INSC: variants seen among roughly 807,000 people sequenced by gnomAD.
INSC encodes protein inscuteable homolog.
A neutral mutation model predicts 58.6 loss-of-function variants in INSC; 67 were observed. The ratio of observed to expected loss-of-function variants is 1.14; its 90% CI spans 0.94 to 1.40. The LOEUF is 1.40. Ranked by LOEUF, INSC falls within the 40% of genes most tolerant of loss-of-function variation. The pLI is 0.00. For missense variants in INSC, 714 were observed against 692.0 expected, an observed-to-expected ratio of 1.03 and a Z score of -0.36; for synonymous variants, 262 against 276.1, an observed-to-expected ratio of 0.95 and a Z score of 0.51.
At chr11:15,186,350 C>T (rs1849967710) in intron 5 of INSC, among the ~76,000 whole-genome samples, 1 of 151,726 alleles carries the variant, frequency 6.6e-6, no homozygotes, top group Admixed American at 6.6e-5. Context: ...TAACGATTTA[C>T]TCTTCTTCTC....
At chr11:15,155,933 C>T (rs1365047039) in intron 2 of INSC, among the ~76,000 whole-genome samples, 1 of 152,092 alleles carries the variant, frequency 6.6e-6, no homozygotes, top group Non-Finnish European at 1.5e-5. Context: ...GAAAATTGTT[C>T]TCTTTGGCCT....
intron 2 of INSC, among the ~76,000 whole-genome samples, chr11:15,152,403 G>C (rs1010623599): frequency 3.9e-5 from 6 of 152,178 alleles, no homozygotes; most frequent in Non-Finnish European, 7.3e-5. Context: ...TTAGGCTGGG[G>C]CTGCTCCAAC....
chr11:15,262,955 A>T, the INSC span, among the ~76,000 whole-genome samples: 4 of 152,160 alleles, frequency 2.6e-5, no homozygotes, highest in African/African-American at 9.7e-5. Flanking sequence ...AGAATATTTA[A>T]TTTTTAGAGA....
chr11:15,226,767 C>T (rs1851656216), intron 9 of INSC, among the ~76,000 whole-genome samples: 1 of 152,194 alleles, frequency 6.6e-6, no homozygotes, highest in Non-Finnish European at 1.5e-5. Flanking sequence ...GAATTGCCTC[C>T]TTTTCTTAGA....
At position 15,184,760 on chromosome 11, in the gene INSC, T is replaced by C. The variant is rs558182454; in HGVS notation, c.580-5941T>C. Reference sequence around the variant, plus strand: ...AAAAAGTTAACTCTGACTTGGCTGATTGGGTTGACTGAAAGCACTGTCTTT... The same window carrying C: ...AAAAAGTTAACTCTGACTTGGCTGACTGGGTTGACTGAAAGCACTGTCTTT... On this transcript the variant is annotated intron_variant, in intron 5 of 12. Coordinates refer to ENST00000379556, the MANE Select transcript of INSC (RefSeq NM_001042536.3). Among the ~76,000 whole-genome samples the C allele has an allele frequency of 2.0e-5, 3 of 152,320 alleles. No individual in the cohort carries two copies. In the East Asian group the frequency reaches 5.8e-4, roughly 29 times the overall value.
At chr11:15,212,068 T>C (rs1851047025) in intron 7 of INSC, among the ~76,000 whole-genome samples, 1 of 152,198 alleles carries the variant, frequency 6.6e-6, no homozygotes, top group South Asian at 2.1e-4. Flanking sequence ...GCTGAAATGA[T>C]TGGGGTTTTT....
intron 2 of INSC, among the ~76,000 whole-genome samples, chr11:15,152,069 T>C (rs977671697): frequency 6.6e-6 from 1 of 152,232 alleles, no homozygotes; most frequent in African/African-American, 2.4e-5. Context: ...ATGACCCATG[T>C]GTATAATTAT....
At position 15,176,101 on chromosome 11, in the gene INSC, GA is replaced by G. The variant is rs1480232398; in HGVS notation, c.402+16del. 3 of 1,492,426 alleles carry G rather than the reference GA, an allele frequency of 2.0e-6. No individual in the cohort carries two copies. The South Asian group carries it at 4.0e-5, about 20-fold the overall frequency. 92.4% of individuals were successfully genotyped at this position (1,492,426 alleles called of 1,614,324 possible). Reference sequence around the variant, plus strand: ...AAATGGGCGAGGTCAGCTGCCCTGGGATAGGAGTGGGCGGGAACTGGAAGTC... The same window carrying G: ...AAATGGGCGAGGTCAGCTGCCCTGGGTAGGAGTGGGCGGGAACTGGAAGTC... On this transcript the variant is annotated intron_variant, in intron 3 of 12. Transcript: ENST00000379556.
chr11:15,198,722 G>T (rs1564898381), intron 6 of INSC, among the ~76,000 whole-genome samples: 1 of 151,866 alleles, frequency 6.6e-6, no homozygotes, highest in East Asian at 1.9e-4. Flanking sequence ...TGACCAGCAG[G>T]GCTGGCTGAT....
intron 2 of INSC, among the ~76,000 whole-genome samples, chr11:15,171,780 G>A (rs1849408453): frequency 6.6e-6 from 1 of 152,186 alleles, no homozygotes; most frequent in African/African-American, 2.4e-5. Flanking sequence ...AGTGATCCTG[G>A]AGGTTCTCAT....
upstream of INSC, among the ~76,000 whole-genome samples, chr11:15,114,094 C>G (rs948980510): frequency 6.6e-6 from 1 of 150,762 alleles, no homozygotes. Context: ...TCTCTGGGCT[C>G]TGGGAGCCTC....
chr11:15,156,942 A>G (rs2133770957), intron 2 of INSC, among the ~76,000 whole-genome samples: 2 of 152,322 alleles, frequency 1.3e-5, no homozygotes, highest in African/African-American at 4.8e-5. Flanking sequence ...CAGCTTAGAA[A>G]AAACTTACCT....
At chr11:15,112,531 G>A (rs1378141207), upstream of INSC, 2 of 1,611,864 alleles carry the variant, frequency 1.2e-6, no homozygotes, top group Admixed American at 3.3e-5. Flanking sequence ...TGGGGTCTAT[G>A]GGGAGTCCAG....
intron 1 of INSC, among the ~76,000 whole-genome samples, chr11:15,140,101 C>A (rs1290214210): frequency 2.0e-5 from 3 of 152,144 alleles, no homozygotes; most frequent in Non-Finnish European, 2.9e-5. Context: ...TTCGGGGGTG[C>A]TGCTTGGACA....
At chr11:15,254,934 T>C in the INSC span, among the ~76,000 whole-genome samples, 1 of 152,228 alleles carries the variant, frequency 6.6e-6, no homozygotes, top group African/African-American at 2.4e-5. Flanking sequence ...ACTATTACCA[T>C]AGTTGCCATT....
chr11:15,203,049 C>A (rs541916221), intron 7 of INSC, among the ~76,000 whole-genome samples: 1 of 152,312 alleles, frequency 6.6e-6, no homozygotes, highest in Non-Finnish European at 1.5e-5. Context: ...GCACCAGAAC[C>A]TTGTGAGGTG....
chr11:15,178,134 G>A (rs1849636291), intron 4 of INSC, among the ~76,000 whole-genome samples, 190 bp from the exon 5 acceptor site: 1 of 152,118 alleles, frequency 6.6e-6, no homozygotes, highest in Non-Finnish European at 1.5e-5. Context: ...CTCATCTCAG[G>A]CCAGCACATC....
chr11:15,150,831 A>G (rs1189726617), intron 2 of INSC, among the ~76,000 whole-genome samples: 1 of 152,208 alleles, frequency 6.6e-6, no homozygotes, highest in Non-Finnish European at 1.5e-5. Flanking sequence ...GGAATCTCTT[A>G]TGTGGGGCTA....
At chr11:15,251,905 G>A (rs1852654612), downstream of INSC, among the ~76,000 whole-genome samples, 2 of 152,126 alleles carry the variant, frequency 1.3e-5, no homozygotes, top group African/African-American at 2.4e-5. Context: ...AAATGAAAAT[G>A]TATGTTCACA....
Sources: gnomAD v4.1 joint callset for allele counts (sites outside exome capture counted in the v4.1 genomes callset) on GRCh38, gnomAD v4.1.1 for gene constraint, MANE v1.5 for transcripts, NCBI Gene and HGNC (gene_info 2026-07-23, HGNC 2026-07-21) for gene names.